ABCA8: variants seen among roughly 807,000 people sequenced by gnomAD.
ABCA8 encodes ATP binding cassette subfamily A member 8, also known as ABC-type organic anion transporter ABCA8.
ABCA8 carries 177 observed loss-of-function variants against 192.3 expected under a neutral mutation model. That is an observed-to-expected ratio of 0.92 (90% confidence interval 0.81 to 1.04). The LOEUF (loss-of-function observed/expected upper bound fraction) is 1.04, where lower values mean the gene tolerates loss of function less well. ABCA8 is among the 50% of genes least tolerant of loss of function. ABCA8 has a pLI of 0.00. For synonymous variants in ABCA8, 642 were observed against 690.2 expected (o/e 0.93, Z 1.09); for missense variants, 1,915 against 1,904.8 (o/e 1.01, Z -0.10).
chr17:68,937,596 C>T (rs1160191522), intron 4 of ABCA8, among the ~76,000 whole-genome samples: 1 of 152,060 alleles, frequency 6.6e-6, no homozygotes, highest in African/African-American at 2.4e-5. Flanking sequence ...ACTATGTTGA[C>T]ATCACTGAAA....
Position 68,942,336 on chromosome 17 carries a change from G to A in ABCA8, c.-5-297C>T, listed in dbSNP as rs140365360. 9.2e-5 allele frequency among the ~76,000 whole-genome samples: 14 copies of A among 152,308 alleles called. 1 individual carries two copies. The East Asian group carries it at 2.7e-3, about 29-fold the overall frequency. On this transcript the variant is annotated intron_variant, in intron 2 of 39. Transcript: ENST00000586539. Reference sequence around the variant, plus strand: ...ATAAAAATGGATCTGAATCCTTTAAGTACTTTCCTTTGCCAGCTGGCATGA... The same window carrying A: ...ATAAAAATGGATCTGAATCCTTTAAATACTTTCCTTTGCCAGCTGGCATGA...
At chr17:68,872,606 A>T (rs879890342) in intron 37 of ABCA8, among the ~76,000 whole-genome samples, 3 of 151,770 alleles carry the variant, frequency 2.0e-5, no homozygotes, top group Admixed American at 6.5e-5. Flanking sequence ...AAAAAATAAA[A>T]AAAATAAAAA....
intron 10 of ABCA8, among the ~76,000 whole-genome samples, chr17:68,926,531 A>C (rs558330990): frequency 5.3e-5 from 8 of 152,348 alleles, no homozygotes; most frequent in African/African-American, 1.9e-4. Flanking sequence ...TTAAATAAGC[A>C]ATGTTAACAA....
intron 17 of ABCA8, among the ~76,000 whole-genome samples, chr17:68,916,448 GTTA>G (rs1407330489): frequency 3.9e-5 from 6 of 152,084 alleles, no homozygotes; most frequent in African/African-American, 1.2e-4. Flanking sequence ...TTTATCCGAT[GTTA>G]TTATGTACCG....
chr17:68,919,494 T>A lies in ABCA8; in HGVS notation c.1613-18A>T, dbSNP rs1327651123. 3 of 1,599,504 alleles carry A rather than the reference T, an allele frequency of 1.9e-6. No homozygotes were observed. Among genetic ancestry groups the A allele is most frequent in the Non-Finnish European group, 2.6e-6 (3 of 1,169,288 alleles). Reference sequence around the variant, plus strand: ...GACTGAACCTGTAACAAAGGAAAAGTTAATATCAAGATAAGGCTTAAGATA... The same window carrying A: ...GACTGAACCTGTAACAAAGGAAAAGATAATATCAAGATAAGGCTTAAGATA... On this transcript the variant is annotated intron_variant, in intron 13 of 39. Coordinates refer to ENST00000586539, the MANE Select transcript of ABCA8 (RefSeq NM_001288985.2).
At chr17:68,895,728 G>T (rs979916787) in intron 21 of ABCA8, among the ~76,000 whole-genome samples, 3 of 152,132 alleles carry the variant, frequency 2.0e-5, no homozygotes, top group Non-Finnish European at 4.4e-5. Context: ...TATCTTCACG[G>T]GAGGGGCTTC....
intron 17 of ABCA8, among the ~76,000 whole-genome samples, chr17:68,913,007 C>G (rs67022365): frequency 0.46 from 70,452 of 151,944 alleles, 17,835 homozygotes; most frequent in Non-Finnish European, 0.58. Flanking sequence ...AGCCACAAAA[C>G]AAGACTTAAA....
At chr17:68,888,270 A>T (rs1199769804) in intron 24 of ABCA8, among the ~76,000 whole-genome samples, 8 of 151,988 alleles carry the variant, frequency 5.3e-5, no homozygotes, top group Admixed American at 5.2e-4. Context: ...TCATTCCCTA[A>T]ATAAACATAC....
At chr17:68,883,973 A>T in intron 28 of ABCA8, 91 bp from the exon 29 acceptor site, 1 of 810,880 alleles carries the variant, frequency 1.2e-6, no homozygotes, top group Non-Finnish European at 1.9e-6. Flanking sequence ...CTTCTAAAAA[A>T]ATACATTCAG....
At chr17:68,922,987 G>A (rs982850636) in intron 11 of ABCA8, among the ~76,000 whole-genome samples, 2 of 152,092 alleles carry the variant, frequency 1.3e-5, no homozygotes, top group African/African-American at 4.8e-5. Flanking sequence ...TGGTTACATG[G>A]TGATGATGGC....
At chr17:68,939,634 C>T (rs137933595) in intron 4 of ABCA8, among the ~76,000 whole-genome samples, 1 of 152,004 alleles carries the variant, frequency 6.6e-6, no homozygotes, top group East Asian at 1.9e-4. Context: ...GTGAATGAAG[C>T]CAGCACACAA....
intron 10 of ABCA8, among the ~76,000 whole-genome samples, chr17:68,925,611 G>A (rs1448356267): frequency 6.6e-6 from 1 of 152,100 alleles, no homozygotes; most frequent in Non-Finnish European, 1.5e-5. Context: ...TAAGGTTATG[G>A]GTTTTCAAAC....
chr17:68,899,962 G>A (rs191911359), intron 21 of ABCA8, among the ~76,000 whole-genome samples: 6 of 152,068 alleles, frequency 3.9e-5, no homozygotes, highest in Non-Finnish European at 1.5e-5. Flanking sequence ...TAGCTTAGAG[G>A]GACGTTTATA....
intron 32 of ABCA8, 63 bp from the exon 33 acceptor site, chr17:68,877,742 A>T: frequency 6.7e-7 from 1 of 1,487,838 alleles, no homozygotes; most frequent in Non-Finnish European, 9.0e-7. Flanking sequence ...TATTTCCATG[A>T]CATCATTCTC....
At chr17:68,880,634 G>A (rs573564601) in intron 32 of ABCA8, 43 of 158,530 alleles carry the variant, frequency 2.7e-4, no homozygotes, top group Admixed American at 4.4e-4. Context: ...AGTGGAAGCC[G>A]CTTGCAGTAT....
chr17:68,927,623 G>A (rs2143672153), intron 10 of ABCA8, among the ~76,000 whole-genome samples: 1 of 151,698 alleles, frequency 6.6e-6, no homozygotes, highest in Non-Finnish European at 1.5e-5. Flanking sequence ...TACCAGAACT[G>A]TTTAGGAACT....
At chr17:68,952,192 A>G (rs1272492845) in intron 1 of ABCA8, among the ~76,000 whole-genome samples, 1 of 152,116 alleles carries the variant, frequency 6.6e-6, no homozygotes, top group Non-Finnish European at 1.5e-5. Flanking sequence ...ACTCTGCTGA[A>G]TTCCAATCTA....
intron 31 of ABCA8, 137 bp downstream of exon 31, chr17:68,881,726 A>G: frequency 1.5e-6 from 1 of 685,558 alleles, no homozygotes; most frequent in Non-Finnish European, 2.6e-6. Context: ...AATGAAACAT[A>G]CAAAGGAAGC....
intron 24 of ABCA8, among the ~76,000 whole-genome samples, chr17:68,889,123 T>C (rs1471055993): frequency 6.6e-6 from 1 of 152,220 alleles, no homozygotes; most frequent in Non-Finnish European, 1.5e-5. Context: ...GATTCCTGCA[T>C]GTTCCACATG....
Sources: allele counts gnomAD v4.1 joint callset (sites outside exome capture counted in the v4.1 genomes callset), GRCh38; gene constraint gnomAD v4.1.1; transcripts MANE v1.5; gene names NCBI Gene and HGNC (gene_info 2026-07-23, HGNC 2026-07-21).